Variants in ZFAND3 observed in about 807,000 individuals in gnomAD.
The protein encoded by ZFAND3 is AN1-type zinc finger protein 3.
In ZFAND3, 10 loss-of-function variants were observed where a neutral mutation model predicts 29.6. That is an observed-to-expected ratio of 0.34 (90% CI 0.21 to 0.57). The LOEUF (loss-of-function observed/expected upper bound fraction) is 0.57. ZFAND3 is among the 20% of genes least tolerant of loss of function. ZFAND3 has a pLI of 0.86. For synonymous variants in ZFAND3, 128 were observed against 112.6 expected (o/e 1.14, Z -0.87); for missense variants, 230 against 304.5 (o/e 0.76, Z 1.82).
At chr6:37,989,179 A>T (rs1762718882) in intron 2 of ZFAND3, among the ~76,000 whole-genome samples, 1 of 152,210 alleles carries the variant, frequency 6.6e-6, no homozygotes. Context: ...CAGTGCTGGG[A>T]TTATAGGCAT....
At chr6:38,140,470 T>C (rs1213528748) in intron 5 of ZFAND3, among the ~76,000 whole-genome samples, 1 of 151,824 alleles carries the variant, frequency 6.6e-6, no homozygotes, top group Non-Finnish European at 1.5e-5. Flanking sequence ...GATTTAGTGA[T>C]TTTCAGGCTC....
chr6:37,849,568 C>G lies in ZFAND3; in HGVS notation c.71+29552C>G, dbSNP rs529672073. ...GGATTACAGGCACCCACCACTATGC[C>G]TGGCTAATTTTTTGTATTTTTAGTA... is the stretch of plus-strand genomic sequence containing the variant. On this transcript the variant is annotated intron_variant, in intron 1 of 5. Coordinates refer to ENST00000287218, the MANE Select transcript of ZFAND3 (RefSeq NM_021943.3). Among the ~76,000 whole-genome samples the G allele has an allele frequency of 3.3e-5, 5 of 152,168 alleles. No homozygotes were observed. In the East Asian group the frequency reaches 9.7e-4, roughly 29 times the overall value.
intron 2 of ZFAND3, among the ~76,000 whole-genome samples, chr6:37,973,911 A>G (rs538909228): frequency 6.6e-6 from 1 of 152,298 alleles, no homozygotes; most frequent in Admixed American, 6.5e-5. Context: ...ATTGTGTTGT[A>G]GGTTTGATTA....
intron 1 of ZFAND3, among the ~76,000 whole-genome samples, chr6:37,920,746 G>T (rs1173607153): frequency 6.6e-6 from 1 of 152,156 alleles, no homozygotes; most frequent in South Asian, 2.1e-4. Context: ...AAAATTTGCA[G>T]ACATGGTCTG....
intron 5 of ZFAND3, among the ~76,000 whole-genome samples, chr6:38,143,955 A>G (rs1317381072): frequency 6.6e-6 from 1 of 151,986 alleles, no homozygotes; most frequent in African/African-American, 2.4e-5. Context: ...ATCCTTTAAT[A>G]TAATACATTT....
intron 2 of ZFAND3, among the ~76,000 whole-genome samples, chr6:37,958,690 C>T (rs150395944): frequency 4.3e-4 from 66 of 152,126 alleles, no homozygotes; most frequent in African/African-American, 1.5e-3. Flanking sequence ...CCTTTTCTTC[C>T]ACACTTAAGA....
chr6:38,056,042 T>C (rs1480607860), intron 2 of ZFAND3, among the ~76,000 whole-genome samples: 1 of 152,218 alleles, frequency 6.6e-6, no homozygotes, highest in Non-Finnish European at 1.5e-5. Flanking sequence ...CAGAGTGCTG[T>C]GCCAATAGAA....
chr6:38,050,143 T>G (rs563783908), intron 2 of ZFAND3, among the ~76,000 whole-genome samples: 7 of 151,562 alleles, frequency 4.6e-5, no homozygotes, highest in South Asian at 2.1e-4. Context: ...TTAGTAGAGA[T>G]AGGGTTTCAC....
At chr6:38,125,688 A>G (rs776717353) in intron 5 of ZFAND3, among the ~76,000 whole-genome samples, 12 of 152,278 alleles carry the variant, frequency 7.9e-5, no homozygotes, top group Admixed American at 2.0e-4. Context: ...GTATTTGGAT[A>G]GGTTATCCTG....
chr6:38,021,376 A>C (rs920172552), intron 2 of ZFAND3, among the ~76,000 whole-genome samples: 1 of 152,234 alleles, frequency 6.6e-6, no homozygotes. Flanking sequence ...TATGCTATTC[A>C]TAGCTACATG....
At chr6:37,896,574 C>CT in intron 1 of ZFAND3, among the ~76,000 whole-genome samples, 1 of 117,004 alleles carries the variant, frequency 8.5e-6, no homozygotes, top group African/African-American at 3.7e-5. Context: ...TTCTTTCTCT[C>CT]TTTCTCTCTC....
intron 1 of ZFAND3, among the ~76,000 whole-genome samples, chr6:37,921,750 A>G (rs1476450210): frequency 6.6e-6 from 1 of 152,174 alleles, no homozygotes; most frequent in Non-Finnish European, 1.5e-5. Flanking sequence ...AAAATTAAAA[A>G]GTACAACAGT....
chr6:37,832,868 G>A (rs969281195), intron 1 of ZFAND3: 1 of 149,840 alleles, frequency 6.7e-6, no homozygotes, highest in African/African-American at 2.5e-5. Context: ...TTTTTTTTTT[G>A]TAGAGATGGG....
chr6:38,153,958 C>T lies in ZFAND3; in HGVS notation c.*1569C>T. The T allele has an allele frequency of 1.0e-6, 1 of 985,484 alleles. No homozygotes were observed. The highest frequency in any genetic ancestry group is 1.2e-6 in the Non-Finnish European group (1 of 829,946). The allele number at this position is 985,484 out of a possible 1,614,324, so 61.0% of individuals were successfully genotyped here. A position where few individuals can be genotyped will look rare whatever the true frequency, so the allele number is the denominator to read the frequency against. Reference sequence around the variant, plus strand: ...TGTCTGCAAATTAACAGCTGAACACCTGCAACTGCAAATGTTTTTTGATCC... The same window carrying T: ...TGTCTGCAAATTAACAGCTGAACACTTGCAACTGCAAATGTTTTTTGATCC... On this transcript the variant is annotated 3_prime_UTR_variant, in exon 6 of 6. Coordinates refer to ENST00000287218, the MANE Select transcript of ZFAND3 (RefSeq NM_021943.3).
chr6:38,111,992 A>ACT (rs2127482699), intron 4 of ZFAND3, among the ~76,000 whole-genome samples: 1 of 152,326 alleles, frequency 6.6e-6, no homozygotes, highest in African/African-American at 2.4e-5. Flanking sequence ...CGAGAGACGG[A>ACT]CTGTGCAGTA....
intron 4 of ZFAND3, among the ~76,000 whole-genome samples, chr6:38,112,530 C>CTGT (rs1179557851): frequency 6.6e-6 from 1 of 152,200 alleles, no homozygotes; most frequent in African/African-American, 2.4e-5. Context: ...TGTAAGTAGA[C>CTGT]TGTTAGGTGT....
chr6:38,003,588 T>G (rs1377802440), intron 2 of ZFAND3: 4 of 258,640 alleles, frequency 1.5e-5, no homozygotes, highest in Non-Finnish European at 3.1e-5. Context: ...AACCCCTGCC[T>G]CTTGGGCTCT....
chr6:38,147,317 A>G (rs1293537309), intron 5 of ZFAND3, among the ~76,000 whole-genome samples: 1 of 152,212 alleles, frequency 6.6e-6, no homozygotes, highest in East Asian at 1.9e-4. Context: ...TGCAACTGAC[A>G]TGATTTCATT....
intron 4 of ZFAND3, among the ~76,000 whole-genome samples, chr6:38,114,344 T>C (rs141762643): frequency 3.9e-5 from 6 of 152,354 alleles, no homozygotes; most frequent in Non-Finnish European, 7.3e-5. Flanking sequence ...ATGATTTATA[T>C]TTAAATTGTT....
Sources: allele counts gnomAD v4.1 joint callset (sites outside exome capture counted in the v4.1 genomes callset), GRCh38; gene constraint gnomAD v4.1.1; transcripts MANE v1.5; gene names NCBI Gene and HGNC (gene_info 2026-07-23, HGNC 2026-07-21).